Variants in ARB2A observed in about 807,000 individuals in gnomAD.
ARB2A encodes ARB2 cotranscriptional regulator A, also known as cotranscriptional regulator ARB2A.
the ARB2A span, among the ~76,000 whole-genome samples, chr5:93,910,167 A>G: frequency 6.6e-6 from 1 of 151,016 alleles, no homozygotes; most frequent in Non-Finnish European, 1.5e-5. Flanking sequence ...ACAACTTTGT[A>G]GTAGACATAC....
chr5:93,853,018 A>C, the ARB2A span, among the ~76,000 whole-genome samples: 1 of 152,174 alleles, frequency 6.6e-6, no homozygotes, highest in Non-Finnish European at 1.5e-5. Flanking sequence ...CTTGATGGGG[A>C]TGGCATTGGA....
At chr5:93,835,971 C>CA in the ARB2A span, among the ~76,000 whole-genome samples, 1 of 152,058 alleles carries the variant, frequency 6.6e-6, no homozygotes, top group Non-Finnish European at 1.5e-5. Flanking sequence ...ATGGAGGATG[C>CA]AAAAATGTAA....
At chr5:93,705,647 G>A in the ARB2A span, among the ~76,000 whole-genome samples, 82 of 143,600 alleles carry the variant, frequency 5.7e-4, no homozygotes, top group African/African-American at 2.0e-3. Flanking sequence ...GTGTGTGTGT[G>A]TGTGTATATA....
At chr5:93,789,409 T>C in the ARB2A span, among the ~76,000 whole-genome samples, 2 of 152,202 alleles carry the variant, frequency 1.3e-5, no homozygotes, top group African/African-American at 4.8e-5. Flanking sequence ...TGTATATAAA[T>C]AGATTAGCTC....
At chr5:93,683,119 T>C in the ARB2A span, 2 of 1,547,778 alleles carry the variant, frequency 1.3e-6, no homozygotes, top group Non-Finnish European at 8.8e-7. Flanking sequence ...CATTTTTGGC[T>C]GGAGTATCTC....
chr5:93,865,924 A>C, the ARB2A span: 2 of 985,318 alleles, frequency 2.0e-6, no homozygotes. Flanking sequence ...GGGCTGCCCC[A>C]TAAGGGCACT....
chr5:93,935,260 A>C, the ARB2A span, among the ~76,000 whole-genome samples: 1 of 152,174 alleles, frequency 6.6e-6, no homozygotes, highest in Non-Finnish European at 1.5e-5. Flanking sequence ...AAATTTAAAA[A>C]AAGATAACAG....
chr5:94,108,870 A>G, the ARB2A span, among the ~76,000 whole-genome samples: 4 of 152,282 alleles, frequency 2.6e-5, no homozygotes, highest in South Asian at 4.1e-4. Flanking sequence ...AAGTATACAT[A>G]TAGATATATA....
At chr5:93,839,980 A>G in the ARB2A span, among the ~76,000 whole-genome samples, 1 of 152,116 alleles carries the variant, frequency 6.6e-6, no homozygotes, top group Non-Finnish European at 1.5e-5. Flanking sequence ...TCTACAATTC[A>G]TTGATCATTT....
chr5:93,852,568 T>C, the ARB2A span, among the ~76,000 whole-genome samples: 2 of 152,290 alleles, frequency 1.3e-5, no homozygotes, highest in South Asian at 2.1e-4. Context: ...GGTTTTCTTC[T>C]AGGGTTTTTA....
the ARB2A span, among the ~76,000 whole-genome samples, chr5:94,026,964 C>T: frequency 1.3e-5 from 2 of 152,074 alleles, no homozygotes; most frequent in African/African-American, 2.4e-5. Context: ...CAATCATCAC[C>T]GAAGGGTTTG....
the ARB2A span, among the ~76,000 whole-genome samples, chr5:93,825,563 A>G: frequency 6.6e-6 from 1 of 152,122 alleles, no homozygotes; most frequent in East Asian, 1.9e-4. Flanking sequence ...GCTCTTTTCA[A>G]ACTGATGTCC....
At chr5:93,798,261 T>TC in the ARB2A span, among the ~76,000 whole-genome samples, 1 of 152,222 alleles carries the variant, frequency 6.6e-6, no homozygotes, top group South Asian at 2.1e-4. Flanking sequence ...AAGCAAGGCT[T>TC]CCCTAAGTCT....
the ARB2A span, among the ~76,000 whole-genome samples, chr5:93,850,474 A>G: frequency 6.6e-6 from 1 of 152,154 alleles, no homozygotes; most frequent in Admixed American, 6.5e-5. Context: ...GATCCTTATT[A>G]TGATCAGGAT....
At chr5:94,086,449 A>C in the ARB2A span, among the ~76,000 whole-genome samples, 1 of 152,224 alleles carries the variant, frequency 6.6e-6, no homozygotes, top group Non-Finnish European at 1.5e-5. Flanking sequence ...TGCTGGTATA[A>C]ACAAACATAC....
chr5:94,037,245 T>C, the ARB2A span, among the ~76,000 whole-genome samples: 1 of 152,178 alleles, frequency 6.6e-6, no homozygotes, highest in Non-Finnish European at 1.5e-5. Flanking sequence ...TTCTAAAATA[T>C]CTACTTAGTA....
the ARB2A span, among the ~76,000 whole-genome samples, chr5:93,946,480 G>A: frequency 1.3e-4 from 20 of 152,156 alleles, no homozygotes; most frequent in South Asian, 2.5e-3. Context: ...CAAAGATATT[G>A]TATCAAAAAT....
chr5:94,059,259 A>C, the ARB2A span, among the ~76,000 whole-genome samples: 17 of 152,148 alleles, frequency 1.1e-4, no homozygotes, highest in Non-Finnish European at 2.5e-4. Flanking sequence ...CACAAATCCA[A>C]GCAGAATAAA....
the ARB2A span, among the ~76,000 whole-genome samples, chr5:93,651,755 T>C: frequency 2.6e-5 from 4 of 152,124 alleles, no homozygotes. Flanking sequence ...TTAATGCATA[T>C]GGATGTAAGA....
Sources: allele counts gnomAD v4.1 joint callset (sites outside exome capture counted in the v4.1 genomes callset), GRCh38; gene constraint gnomAD v4.1.1; transcripts MANE v1.5; gene names NCBI Gene and HGNC (gene_info 2026-07-23, HGNC 2026-07-21).